Variants in PCDHGA2 observed in about 807,000 individuals in gnomAD.
PCDHGA2 encodes protocadherin gamma subfamily A, 2.
PCDHGA2 carries 40 observed loss-of-function variants against 59.2 expected under a neutral mutation model. The observed-to-expected ratio is 0.68, with a 90% confidence interval of 0.52 to 0.88. The LOEUF is 0.88. PCDHGA2 is among the 40% of genes least tolerant of loss of function. PCDHGA2 has a pLI of 0.00. For synonymous variants in PCDHGA2, 560 were observed against 526.0 expected, an observed-to-expected ratio of 1.06 and a Z score of -0.89; for missense variants, 1,226 against 1,204.0, an observed-to-expected ratio of 1.02 and a Z score of -0.27.
At position 141,412,987 on chromosome 5, in the gene PCDHGA2, A is replaced by G. The variant is rs192699644; in HGVS notation, c.2424+71592A>G. The G allele has an allele frequency of 3.7e-3, 2,104 of 564,638 alleles. 8 individuals carry two copies. Among genetic ancestry groups the G allele is most frequent in the Admixed American group, 0.011 (308 of 27,526 alleles). 35.0% of individuals were successfully genotyped at this position (564,638 alleles called of 1,614,324 possible). ...AGGAGAGAAAACGCAGCCAGAGCTCAATCCGGATTCTCAGGGCTTCAACTA... is the reference window on the plus strand; with the variant it reads ...AGGAGAGAAAACGCAGCCAGAGCTCGATCCGGATTCTCAGGGCTTCAACTA... On this transcript the variant is annotated intron_variant, in intron 1 of 3. Transcript: ENST00000394576.
chr5:141,453,116 GT>G (rs2098756689), intron 1 of PCDHGA2, among the ~76,000 whole-genome samples: 1 of 151,698 alleles, frequency 6.6e-6, no homozygotes, highest in Admixed American at 6.6e-5. Context: ...GTTTTGTTTT[GT>G]TTTGTTTTGT....
Position 141,489,897 on chromosome 5 carries a change from C to G in PCDHGA2, c.2425-4910C>G. ...TGCTTACTGCTGTGGATGGGGGGAC[C>G]CCAGCCCGCTCAGGGACCACCCTTA... is the stretch of plus-strand genomic sequence containing the variant. On this transcript the variant is annotated intron_variant, in intron 1 of 3. Transcript: ENST00000394576. This position sits in a 1 kb window ranked among gnomAD's most constrained non-coding sequence, Gnocchi z 4.5. 1 of 1,614,162 alleles carries G rather than the reference C, an allele frequency of 6.2e-7. No individual in the cohort carries two copies. Among genetic ancestry groups the G allele is most frequent in the Non-Finnish European group, 8.5e-7 (1 of 1,180,016 alleles).
At chr5:141,349,823 G>T (rs1368268423) in intron 1 of PCDHGA2, among the ~76,000 whole-genome samples, 1 of 152,012 alleles carries the variant, frequency 6.6e-6, no homozygotes, top group African/African-American at 2.4e-5. Flanking sequence ...GAAAAAAATG[G>T]CAGTGTACCT....
Position 141,485,738 on chromosome 5 carries a change from A to G in PCDHGA2, c.2425-9069A>G, listed in dbSNP as rs1443978038. Reference sequence around the variant, plus strand: ...GGATGTGAAGAAGCGCAGCGACGGCAGCCTGGTCCCAGAGCTGCTCCTGGA... The same window carrying G: ...GGATGTGAAGAAGCGCAGCGACGGCGGCCTGGTCCCAGAGCTGCTCCTGGA... On this transcript the variant is annotated intron_variant, in intron 1 of 3. Transcript: ENST00000394576. This position sits in a 1 kb window ranked among gnomAD's most constrained non-coding sequence, Gnocchi z 5.7. 1 of 1,614,230 alleles carries G rather than the reference A, an allele frequency of 6.2e-7. No individual in the cohort carries two copies.
At position 141,489,515 on chromosome 5, in the gene PCDHGA2, G is replaced by T; in HGVS notation, c.2425-5292G>T. ...CTGGCAGTGAATCAAAAGATTGACC[G>T]AGAAAGCCTATGTGGAGCCAGCACC... On this transcript the variant is annotated intron_variant, in intron 1 of 3. Coordinates refer to ENST00000394576, the MANE Select transcript of PCDHGA2 (RefSeq NM_018915.4). This position sits in a 1 kb window ranked among gnomAD's most constrained non-coding sequence, Gnocchi z 4.5. 4.3e-6 allele frequency: 7 copies of T among 1,614,104 alleles called. No individual in the cohort carries two copies. Among genetic ancestry groups the T allele is most frequent in the Non-Finnish European group, 5.9e-6 (7 of 1,180,034 alleles).
intron 1 of PCDHGA2, chr5:141,414,744 C>T (rs1381345965): frequency 6.2e-7 from 1 of 1,614,210 alleles, no homozygotes; most frequent in Non-Finnish European, 8.5e-7. Context: ...CACTCAGATC[C>T]TTCGACTATG....
In PCDHGA2 at chr5:141,340,026, C is replaced by T. The variant is rs1013106413; in HGVS notation, c.1055C>T (p.Ala352Val). The T allele has an allele frequency of 4.3e-6, 7 of 1,614,162 alleles. No homozygotes were observed. The highest frequency in any genetic ancestry group is 5.9e-6 in the Non-Finnish European group (7 of 1,180,030). ...DNAPEFYMTSATSSVSEDSLP... is the reference protein window; with the variant it reads ...DNAPEFYMTSVTSSVSEDSLP... ...GCCCCAGAATTTTACATGACATCTG[C>T]TACTAGCTCAGTTTCTGAAGACTCT... The change falls in exon 1 of 4, where the codon GCT (alanine) becomes GTT (valine). Residue 352 changes from alanine to valine, a missense_variant. Physicochemically the swap from Ala to Val is moderately conservative, Grantham distance 64. Transcript: ENST00000394576.
chr5:141,346,232 G>A (rs369304431), intron 1 of PCDHGA2: 18 of 1,614,170 alleles, frequency 1.1e-5, no homozygotes, highest in Non-Finnish European at 7.6e-6. Context: ...GCGGCTTGGC[G>A]AGTACGCCCG....
rs376526750 is a variant in PCDHGA2 at position 141,476,593 on chromosome 5, G to T, written c.2425-18214G>T. The T allele has an allele frequency of 8.5e-5, 138 of 1,614,104 alleles. No individual in the cohort carries two copies. The highest frequency in any genetic ancestry group is 1.1e-4 in the Non-Finnish European group (133 of 1,180,044). On this transcript the variant is annotated intron_variant, in intron 1 of 3. Transcript: ENST00000394576. The surrounding 1 kb of genome is among the most constrained non-coding windows in gnomAD (Gnocchi z 7.6). ...GGACGCGCTTTCCGCTCGAGAGCGCGCACGATCCCGATGTGGGAAGCAACT... is the reference window on the plus strand; with the variant it reads ...GGACGCGCTTTCCGCTCGAGAGCGCTCACGATCCCGATGTGGGAAGCAACT...
chr5:141,400,793 C>T, intron 1 of PCDHGA2: 2 of 561,880 alleles, frequency 3.6e-6, no homozygotes, highest in Admixed American at 3.5e-5. Context: ...TGTCCTCTTT[C>T]TCAAAGCTAA....
chr5:141,347,073 C>G (rs1757861133), intron 1 of PCDHGA2, among the ~76,000 whole-genome samples: 1 of 148,398 alleles, frequency 6.7e-6, no homozygotes, highest in Non-Finnish European at 1.5e-5. Flanking sequence ...CTTCCTTCCT[C>G]TCTCTCTTTC....
At position 141,340,645 on chromosome 5, in the gene PCDHGA2, C is replaced by T. The variant is rs150000282; in HGVS notation, c.1674C>T (p.Asn558=). ...LSLFVLDQND[N]APEILYPAFP... is the part of the protein sequence containing the mutation. The stretch of plus-strand genomic sequence containing the variant: ...TGTTCGTGCTGGACCAGAACGACAA[C>T]GCGCCCGAGATCCTGTACCCTGCCT... The change falls in exon 1 of 4, where the codon AAC becomes AAT. Residue 558 remains asparagine, a synonymous_variant. Transcript: ENST00000394576. 53 of 1,614,124 alleles carry T rather than the reference C, an allele frequency of 3.3e-5. No homozygotes were observed. Among genetic ancestry groups the T allele is most frequent in the Non-Finnish European group, 3.6e-5 (43 of 1,180,052 alleles).
intron 1 of PCDHGA2, among the ~76,000 whole-genome samples, chr5:141,434,700 G>A (rs1041657389): frequency 6.6e-6 from 1 of 151,780 alleles, no homozygotes; most frequent in Non-Finnish European, 1.5e-5. Context: ...TAATAAATAT[G>A]TGGGTAAATC....
intron 1 of PCDHGA2, chr5:141,344,687 C>A (rs1047556381): frequency 1.2e-6 from 2 of 1,613,940 alleles, no homozygotes; most frequent in Non-Finnish European, 8.5e-7. Flanking sequence ...CTGATGGTGG[C>A]GACCCTGTCC....
At chr5:141,429,647 T>C (rs1430094173) in intron 1 of PCDHGA2, among the ~76,000 whole-genome samples, 2 of 152,272 alleles carry the variant, frequency 1.3e-5, no homozygotes, top group African/African-American at 4.8e-5. Flanking sequence ...TATATATTTC[T>C]TCCCAATTTA....
At chr5:141,383,733 A>T (rs770047743) in intron 1 of PCDHGA2, 2 of 1,613,886 alleles carry the variant, frequency 1.2e-6, no homozygotes, top group African/African-American at 2.7e-5. Context: ...GGGAAGTGAC[A>T]TATTCTTTTC....
Position 141,476,292 on chromosome 5 carries a change from G to A in PCDHGA2, c.2425-18515G>A. The A allele has an allele frequency of 1.9e-6, 3 of 1,614,144 alleles. No homozygotes were observed. The highest frequency in any genetic ancestry group is 2.5e-6 in the Non-Finnish European group (3 of 1,180,016). On this transcript the variant is annotated intron_variant, in intron 1 of 3. Transcript: ENST00000394576. This position sits in a 1 kb window ranked among gnomAD's most constrained non-coding sequence, Gnocchi z 7.6. ...GTCGCGAACCTTGGTTTGGATCTCGGTAGCCTCTCAGCCCGCAGGTTCCGG... is the reference window on the plus strand; with the variant it reads ...GTCGCGAACCTTGGTTTGGATCTCGATAGCCTCTCAGCCCGCAGGTTCCGG...
At chr5:141,345,241 G>A (rs745944664) in intron 1 of PCDHGA2, 24 of 1,613,750 alleles carry the variant, frequency 1.5e-5, no homozygotes, top group East Asian at 8.9e-5. Context: ...CAATATTACC[G>A]CTTAGTGACG....
At chr5:141,382,737 A>G (rs1186872738) in intron 1 of PCDHGA2, 2 of 571,884 alleles carry the variant, frequency 3.5e-6, no homozygotes, top group African/African-American at 3.7e-5. Context: ...GCACAGAGAA[A>G]CGACAGATTG....
Sources: gnomAD v4.1 joint callset for allele counts (sites outside exome capture counted in the v4.1 genomes callset) on GRCh38, gnomAD v4.1.1 for gene constraint, Gnocchi (gnomAD v3.1) non-coding constraint, MANE v1.5 for transcripts, NCBI Gene and HGNC (gene_info 2026-07-23, HGNC 2026-07-21) for gene names.